The following ADAMTS3 variants were observed in gnomAD, a reference collection of about 807,000 sequenced individuals.
ADAMTS3 encodes the protein ADAM metallopeptidase with thrombospondin type 1 motif 3.
ADAMTS3 carries 73 observed loss-of-function variants against 129.0 expected under a neutral mutation model. The ratio of observed to expected loss-of-function variants is 0.57; its 90% CI spans 0.47 to 0.69. The LOEUF (loss-of-function observed/expected upper bound fraction) is 0.69, where lower values mean the gene tolerates loss of function less well. Among genes scored for constraint, ADAMTS3 ranks in the 30% least tolerant of loss-of-function variants. ADAMTS3 has a pLI of 0.00. For missense variants in ADAMTS3, 1,457 were observed against 1,514.5 expected (o/e 0.96, Z 0.63); for synonymous variants, 477 against 510.8 (o/e 0.93, Z 0.89).
intron 3 of ADAMTS3, among the ~76,000 whole-genome samples, chr4:72,532,491 G>GCGCACACA (rs894547538): frequency 2.0e-5 from 3 of 148,678 alleles, no homozygotes; most frequent in African/African-American, 7.4e-5. Context: ...AATTTAATAT[G>GCGCACACA]CACACACACA....
At chr4:72,420,953 C>T (rs558880753) in intron 3 of ADAMTS3, among the ~76,000 whole-genome samples, 2 of 151,922 alleles carry the variant, frequency 1.3e-5, no homozygotes, top group South Asian at 2.1e-4. Context: ...AAAGTCATAA[C>T]CGCAATGGAT....
chr4:72,484,491 G>C (rs1249003506), intron 3 of ADAMTS3, among the ~76,000 whole-genome samples: 1 of 152,142 alleles, frequency 6.6e-6, no homozygotes, highest in Non-Finnish European at 1.5e-5. Context: ...ACCTCATTAA[G>C]GCACAAATGG....
chr4:72,502,554 G>A (rs536953266), intron 3 of ADAMTS3, among the ~76,000 whole-genome samples: 3 of 151,968 alleles, frequency 2.0e-5, no homozygotes, highest in East Asian at 1.9e-4. Flanking sequence ...TCTTTCAAAC[G>A]CCTACTTCTG....
chr4:72,417,817 C>T (rs1578661917), intron 3 of ADAMTS3, among the ~76,000 whole-genome samples: 2 of 150,566 alleles, frequency 1.3e-5, no homozygotes, highest in East Asian at 4.0e-4. Context: ...CCTGTAGTCC[C>T]AGCTACTCGG....
At chr4:72,312,208 A>G (rs1384867058) in intron 13 of ADAMTS3, 83 bp downstream of exon 13, 5 of 1,474,420 alleles carry the variant, frequency 3.4e-6, no homozygotes, top group Non-Finnish European at 4.7e-6. Flanking sequence ...ATAGGGATCA[A>G]GAGTCCATGG....
chr4:72,502,418 G>A (rs996686455), intron 3 of ADAMTS3, among the ~76,000 whole-genome samples: 2 of 152,038 alleles, frequency 1.3e-5, no homozygotes, highest in African/African-American at 2.4e-5. Context: ...GTTCATAATA[G>A]TCTCTGAGAA....
intron 4 of ADAMTS3, among the ~76,000 whole-genome samples, chr4:72,413,659 G>A (rs1181375284): frequency 1.3e-5 from 2 of 151,732 alleles, no homozygotes; most frequent in Non-Finnish European, 2.9e-5. Context: ...TTACAACTGT[G>A]CAATATATAT....
At position 72,287,355 on chromosome 4, in the gene ADAMTS3, G is replaced by A. The variant is rs1718533005; in HGVS notation, c.3049+1396C>T. Among the ~76,000 whole-genome samples, 2 of 151,774 alleles carry A rather than the reference G, an allele frequency of 1.3e-5. 1 individual carries two copies. Among genetic ancestry groups the A allele is most frequent in the Admixed American group, 1.3e-4 (2 of 15,220 alleles). On this transcript the variant is annotated intron_variant, in intron 21 of 21. Transcript: ENST00000286657. The stretch of plus-strand genomic sequence containing the variant: ...GAGATAAGAGACAGGGAGAGAGAGA[G>A]AGGTGGAAGAGATGGAGAGACAGAG...
intron 3 of ADAMTS3, among the ~76,000 whole-genome samples, chr4:72,498,406 C>T (rs765875239): frequency 3.3e-5 from 5 of 151,294 alleles, no homozygotes; most frequent in Non-Finnish European, 5.9e-5. Context: ...TAATAGAAGT[C>T]ATAAAAAGAG....
chr4:72,374,508 T>C (rs1721090196), intron 4 of ADAMTS3, among the ~76,000 whole-genome samples: 1 of 152,166 alleles, frequency 6.6e-6, no homozygotes, highest in Non-Finnish European at 1.5e-5. Flanking sequence ...AGAAGAAAGC[T>C]ATGAATAGAA....
At chr4:72,443,385 T>C (rs1718168499) in intron 3 of ADAMTS3, among the ~76,000 whole-genome samples, 1 of 151,706 alleles carries the variant, frequency 6.6e-6, no homozygotes, top group African/African-American at 2.4e-5. Context: ...TACTGTTTAG[T>C]AAAAACAGTT....
intron 3 of ADAMTS3, among the ~76,000 whole-genome samples, chr4:72,511,095 T>A (rs919259945): frequency 1.3e-5 from 2 of 151,960 alleles, no homozygotes; most frequent in Admixed American, 1.3e-4. Flanking sequence ...TAAAAGTAGA[T>A]CCCTATGTCT....
At chr4:72,351,434 T>A (rs1031231701) in intron 4 of ADAMTS3, among the ~76,000 whole-genome samples, 2 of 151,826 alleles carry the variant, frequency 1.3e-5, no homozygotes, top group Admixed American at 1.3e-4. Flanking sequence ...ATCCTGAAAA[T>A]GTCCCTTTAA....
chr4:72,355,413 C>T (rs535074491), intron 4 of ADAMTS3, among the ~76,000 whole-genome samples: 5 of 152,012 alleles, frequency 3.3e-5, no homozygotes, highest in South Asian at 2.1e-4. Context: ...CTTGTTCAAT[C>T]GACATCAGAG....
intron 3 of ADAMTS3, among the ~76,000 whole-genome samples, chr4:72,534,347 G>T (rs1370162122): frequency 6.6e-6 from 1 of 151,918 alleles, no homozygotes. Flanking sequence ...AAGAAAAAAG[G>T]AACATCACAG....
intron 3 of ADAMTS3, among the ~76,000 whole-genome samples, chr4:72,544,066 T>G (rs983793264): frequency 6.6e-6 from 1 of 152,084 alleles, no homozygotes; most frequent in African/African-American, 2.4e-5. Flanking sequence ...TTTTCAGAAA[T>G]TATGGAAGAT....
chr4:72,446,086 T>C (rs1021144140), intron 3 of ADAMTS3, among the ~76,000 whole-genome samples: 15 of 151,706 alleles, frequency 9.9e-5, no homozygotes, highest in African/African-American at 3.6e-4. Context: ...GTTGCTCAAC[T>C]TGACCTCAAG....
chr4:72,407,460 A>G (rs1722078150), intron 4 of ADAMTS3, among the ~76,000 whole-genome samples: 2 of 152,144 alleles, frequency 1.3e-5, no homozygotes, highest in Admixed American at 6.6e-5. Flanking sequence ...ATAAAACCTG[A>G]CGAAACTTGA....
chr4:72,318,097 A>T lies in ADAMTS3; in HGVS notation c.1485+475T>A, dbSNP rs1719448751. ...TGTCCTGACCCCCATGGTATGCCAT[A>T]TGATTCTTTTACTAGACTATACCAG... On this transcript the variant is annotated intron_variant, in intron 10 of 21. Transcript: ENST00000286657. 2.6e-5 allele frequency among the ~76,000 whole-genome samples: 4 copies of T among 152,054 alleles called. No homozygotes were observed. In the South Asian group the frequency reaches 8.3e-4, roughly 31 times the overall value.
Sources: gnomAD v4.1 joint callset for allele counts (sites outside exome capture counted in the v4.1 genomes callset) on GRCh38, gnomAD v4.1.1 for gene constraint, MANE v1.5 for transcripts, NCBI Gene and HGNC (gene_info 2026-07-23, HGNC 2026-07-21) for gene names.